Variants in TRPC4AP observed in about 807,000 individuals in gnomAD.
The protein encoded by TRPC4AP is transient receptor potential cation channel subfamily C member 4 associated protein, also known as short transient receptor potential channel 4-associated protein.
TRPC4AP carries 45 observed loss-of-function variants against 99.0 expected under a neutral mutation model. The observed-to-expected ratio is 0.45, with a 90% CI of 0.36 to 0.58. TRPC4AP has a LOEUF of 0.58. TRPC4AP is among the 20% of genes least tolerant of loss of function. The pLI is 0.00. For missense variants in TRPC4AP, 879 were observed against 985.3 expected (o/e 0.89, Z 1.44); for synonymous variants, 408 against 385.8 (o/e 1.06, Z -0.67).
At chr20:35,046,219 T>C (rs960680877) in intron 6 of TRPC4AP, among the ~76,000 whole-genome samples, 5 of 152,356 alleles carry the variant, frequency 3.3e-5, no homozygotes, top group South Asian at 4.1e-4. Context: ...ATATATAGTT[T>C]ATAAGTTTTC....
rs2082990219 is a variant in TRPC4AP at position 35,024,854 on chromosome 20, A to AAT, written c.1052-3500_1052-3499dup. Among the ~76,000 whole-genome samples the AAT allele has an allele frequency of 3.2e-4, 29 of 89,472 alleles. 2 individuals are homozygous for AAT. Among genetic ancestry groups the AAT allele is most frequent in the Admixed American group, 7.5e-4 (5 of 6,632 alleles). 58.7% of individuals were successfully genotyped at this position (89,472 alleles called of 152,430 possible). The stretch of plus-strand genomic sequence containing the variant: ...AAAAAAAAAAAAAAAAAAAAAAAAA[A>AAT]ATTCTGTTTATTCATTAATCAGGTG... On this transcript the variant is annotated intron_variant, in intron 8 of 18. Transcript: ENST00000252015.
intron 6 of TRPC4AP, among the ~76,000 whole-genome samples, chr20:35,045,138 G>A (rs1217627672): frequency 1.3e-5 from 2 of 151,958 alleles, no homozygotes; most frequent in East Asian, 1.9e-4. Flanking sequence ...CCATCCAGTC[G>A]CATTTTTTTC....
At chr20:35,064,627 C>T (rs1259499090) in intron 3 of TRPC4AP, among the ~76,000 whole-genome samples, 1 of 152,182 alleles carries the variant, frequency 6.6e-6, no homozygotes, top group Non-Finnish European at 1.5e-5. Flanking sequence ...TTGTTAACTG[C>T]ACTTGCAGGA....
At chr20:35,004,394 A>G (rs2082472246) in intron 17 of TRPC4AP, 64 bp downstream of exon 17, 7 of 1,420,036 alleles carry the variant, frequency 4.9e-6, no homozygotes, top group Admixed American at 3.9e-5. Flanking sequence ...CCTGCTGGGC[A>G]CCAGGACAAA....
intron 8 of TRPC4AP, among the ~76,000 whole-genome samples, chr20:35,032,467 CTTTTTTTTTT>C (rs35808832): frequency 1.1e-5 from 1 of 95,222 alleles, no homozygotes; most frequent in Non-Finnish European, 2.0e-5. Context: ...GTTCTTTGAT[CTTTTTTTTTT>C]TTTTTTTTTT....
intron 1 of TRPC4AP, among the ~76,000 whole-genome samples, chr20:35,088,789 A>C (rs2084957989): frequency 6.6e-6 from 1 of 152,128 alleles, no homozygotes; most frequent in Admixed American, 6.6e-5. Context: ...ATGCTATACC[A>C]CAGATGATCC....
intron 8 of TRPC4AP, among the ~76,000 whole-genome samples, chr20:35,024,854 A>AAAAAAAAAAAATAACAT (rs1479270980): frequency 1.1e-5 from 1 of 89,480 alleles, no homozygotes; most frequent in Non-Finnish European, 2.3e-5. Context: ...AAAAAAAAAA[A>AAAAAAAAAAAATAACAT]ATTCTGTTTA....
intron 11 of TRPC4AP, among the ~76,000 whole-genome samples, chr20:35,010,632 A>AGCCT (rs1246019205): frequency 6.6e-6 from 1 of 152,142 alleles, no homozygotes; most frequent in Non-Finnish European, 1.5e-5. Flanking sequence ...ATCACACTCA[A>AGCCT]GCCTGGCCCT....
chr20:35,060,279 T>C (rs2083963738), intron 3 of TRPC4AP, among the ~76,000 whole-genome samples: 1 of 151,784 alleles, frequency 6.6e-6, no homozygotes, highest in South Asian at 2.1e-4. Flanking sequence ...GCAAACAAAA[T>C]CCAGACACAT....
intron 8 of TRPC4AP, among the ~76,000 whole-genome samples, chr20:35,024,128 C>G (rs2082959069): frequency 9.7e-6 from 1 of 103,524 alleles, no homozygotes; most frequent in Non-Finnish European, 2.2e-5. Context: ...CATGCACACT[C>G]ACTTTTTTTT....
intron 8 of TRPC4AP, among the ~76,000 whole-genome samples, chr20:35,033,721 G>A (rs898320614): frequency 3.3e-5 from 5 of 152,190 alleles, no homozygotes; most frequent in Non-Finnish European, 7.3e-5. Flanking sequence ...GCCAGGCACA[G>A]TGGCTCATGC....
At chr20:35,056,748 G>A (rs6060185) in intron 4 of TRPC4AP, among the ~76,000 whole-genome samples, 1 of 151,824 alleles carries the variant, frequency 6.6e-6, no homozygotes, top group South Asian at 2.1e-4. Flanking sequence ...GGGAGGCTGA[G>A]GTGGGCAGAT....
chr20:35,051,729 G>T (rs999359997), intron 5 of TRPC4AP, among the ~76,000 whole-genome samples: 1 of 151,392 alleles, frequency 6.6e-6, no homozygotes, highest in Non-Finnish European at 1.5e-5. Context: ...AGTTCTGGAA[G>T]ATCCAAAGAA....
At chr20:35,059,809 AAAGATGAAGACGAAG>A (rs1413052904) in intron 3 of TRPC4AP, among the ~76,000 whole-genome samples, 1 of 152,042 alleles carries the variant, frequency 6.6e-6, no homozygotes, top group Non-Finnish European at 1.5e-5. Flanking sequence ...AGACGAAGAC[AAAGATGAAGACGAAG>A]AAGATGAAGA....
chr20:35,025,987 A>C (rs939587245), intron 8 of TRPC4AP, among the ~76,000 whole-genome samples: 22 of 152,176 alleles, frequency 1.4e-4, no homozygotes, highest in African/African-American at 5.1e-4. Flanking sequence ...ATTCTTTCGC[A>C]TGTGGACATC....
intron 1 of TRPC4AP, among the ~76,000 whole-genome samples, chr20:35,086,949 C>CT (rs1313380396): frequency 6.6e-6 from 1 of 151,800 alleles, no homozygotes; most frequent in East Asian, 1.9e-4. Context: ...AGGGGAATCG[C>CT]TTGAACCCGG....
intron 6 of TRPC4AP, among the ~76,000 whole-genome samples, chr20:35,046,264 T>G (rs1191668449): frequency 6.6e-6 from 1 of 152,196 alleles, no homozygotes; most frequent in Admixed American, 6.5e-5. Flanking sequence ...AATGATAATT[T>G]TATGGAATGC....
intron 2 of TRPC4AP, among the ~76,000 whole-genome samples, chr20:35,077,432 G>A (rs575232286): frequency 3.9e-4 from 60 of 152,236 alleles, no homozygotes; most frequent in African/African-American, 1.4e-3. Context: ...CATTAGAGCT[G>A]GTGCTCTAAA....
At chr20:35,039,601 T>TC (rs2083402933) in intron 7 of TRPC4AP, among the ~76,000 whole-genome samples, 1 of 152,146 alleles carries the variant, frequency 6.6e-6, no homozygotes, top group Admixed American at 6.6e-5. Context: ...ACATCAGTAT[T>TC]CCCCCCATAC....
Sources: gnomAD v4.1 joint callset for allele counts (sites outside exome capture counted in the v4.1 genomes callset) on GRCh38, gnomAD v4.1.1 for gene constraint, MANE v1.5 for transcripts, NCBI Gene and HGNC (gene_info 2026-07-23, HGNC 2026-07-21) for gene names.